The following BBS9 variants were observed in gnomAD, a reference collection of about 807,000 sequenced individuals.
The protein encoded by BBS9 is Bardet-Biedl syndrome 9.
A neutral mutation model predicts 117.7 loss-of-function variants in BBS9; 89 were observed. The ratio of observed to expected loss-of-function variants is 0.76; its 90% CI spans 0.64 to 0.90. The LOEUF is 0.90. Among genes scored for constraint, BBS9 ranks in the 40% least tolerant of loss-of-function variants. The pLI is 0.00. For synonymous variants in BBS9, 379 were observed against 370.9 expected (o/e 1.02, Z -0.25); for missense variants, 982 against 1,042.2 (o/e 0.94, Z 0.80).
At chr7:33,179,040 T>G (rs1249821650) in intron 5 of BBS9, among the ~76,000 whole-genome samples, 1 of 152,178 alleles carries the variant, frequency 6.6e-6, no homozygotes, top group Non-Finnish European at 1.5e-5. Context: ...GTGAAGTGCT[T>G]CCTCAGCTTT....
At chr7:33,166,846 G>T (rs772664411) in intron 4 of BBS9, among the ~76,000 whole-genome samples, 12 of 152,312 alleles carry the variant, frequency 7.9e-5, no homozygotes, top group Middle Eastern at 3.4e-3. Context: ...CCTGGGTGAG[G>T]TGATGCCCCA....
chr7:33,624,756 G>GGGGA (rs1441117023), intron 21 of BBS9, among the ~76,000 whole-genome samples: 2 of 152,130 alleles, frequency 1.3e-5, no homozygotes, highest in African/African-American at 4.8e-5. Flanking sequence ...TAACATTTTG[G>GGGGA]GGGAGTTAAA....
chr7:33,464,064 A>G (rs1259229400), intron 19 of BBS9, among the ~76,000 whole-genome samples: 3 of 152,112 alleles, frequency 2.0e-5, no homozygotes, highest in Admixed American at 6.6e-5. Flanking sequence ...TTAAAATCAT[A>G]CATCATTTAT....
rs950445090 is a variant in BBS9, at chr7:33,466,079, T to C, written c.2116-39384T>C. ...TTTGAGAGAGAGATATATATATATA[T>C]ACACACATTGTGAAATGGTTACCAC... On this transcript the variant is annotated intron_variant, in intron 19 of 22. Transcript: ENST00000242067. Among the ~76,000 whole-genome samples the C allele has an allele frequency of 1.2e-4, 18 of 152,202 alleles. No individual in the cohort carries two copies. In the East Asian group the frequency reaches 1.5e-3, roughly 13 times the overall value.
At chr7:33,527,167 C>A (rs1366511786) in intron 20 of BBS9, among the ~76,000 whole-genome samples, 1 of 152,108 alleles carries the variant, frequency 6.6e-6, no homozygotes, top group Non-Finnish European at 1.5e-5. Flanking sequence ...CAGACAGGGA[C>A]ATTTAAGTCT....
intron 19 of BBS9, among the ~76,000 whole-genome samples, chr7:33,416,537 G>A (rs899992013): frequency 1.3e-5 from 2 of 152,026 alleles, no homozygotes; most frequent in Non-Finnish European, 2.9e-5. Flanking sequence ...TCTATTGCAT[G>A]GAGACGATAG....
intron 9 of BBS9, among the ~76,000 whole-genome samples, chr7:33,307,310 T>A (rs1193331298): frequency 6.6e-6 from 1 of 152,186 alleles, no homozygotes; most frequent in African/African-American, 2.4e-5. Flanking sequence ...TAATTAGTAA[T>A]CATAAAGAAG....
intron 9 of BBS9, among the ~76,000 whole-genome samples, chr7:33,326,648 C>T (rs140875253): frequency 3.2e-4 from 48 of 152,142 alleles, no homozygotes; most frequent in African/African-American, 1.1e-3. Context: ...TACTGCCTGG[C>T]TACCACTGTT....
At chr7:33,346,449 G>A in intron 12 of BBS9, 1 of 194,726 alleles carries the variant, frequency 5.1e-6, no homozygotes, top group Non-Finnish European at 1.1e-5. Context: ...ATTTCCTAAG[G>A]GTTATATTTC....
chr7:33,597,112 C>T (rs577572237), intron 21 of BBS9, among the ~76,000 whole-genome samples: 6 of 139,854 alleles, frequency 4.3e-5, no homozygotes, highest in Non-Finnish European at 6.1e-5. Context: ...CACACACACA[C>T]AGTAAAATTT....
At chr7:33,543,487 T>G (rs1303684902) in intron 21 of BBS9, among the ~76,000 whole-genome samples, 2 of 152,220 alleles carry the variant, frequency 1.3e-5, no homozygotes, top group African/African-American at 4.8e-5. Context: ...TTTATATTTG[T>G]TTTTATTGCA....
intron 4 of BBS9, among the ~76,000 whole-genome samples, chr7:33,170,446 T>C (rs1437519299): frequency 2.0e-5 from 3 of 146,804 alleles, no homozygotes; most frequent in South Asian, 4.5e-4. Context: ...ATTGATGGGA[T>C]GTATTTCAAA....
At chr7:33,426,026 C>G (rs1833609336) in intron 19 of BBS9, among the ~76,000 whole-genome samples, 1 of 151,690 alleles carries the variant, frequency 6.6e-6, no homozygotes, top group Non-Finnish European at 1.5e-5. Context: ...TAAAATAAAC[C>G]AAGAAGTTTA....
chr7:33,166,424 G>T lies in BBS9; in HGVS notation c.328+10722G>T, dbSNP rs183121701. Among the ~76,000 whole-genome samples, 1,245 of 152,362 alleles carry T rather than the reference G, an allele frequency of 8.2e-3. 8 individuals carry two copies. Among genetic ancestry groups the T allele is most frequent in the Non-Finnish European group, 0.013 (851 of 68,028 alleles). ...GATAGGGAGGTTTAAGTCTGCAGAA[G>T]TTTCTGCTGCCTTTTGTTCAGCTAT... On this transcript the variant is annotated intron_variant, in intron 4 of 22. Transcript: ENST00000242067.
chr7:33,417,217 C>A (rs188137596), intron 19 of BBS9, among the ~76,000 whole-genome samples: 3 of 152,218 alleles, frequency 2.0e-5, no homozygotes, highest in African/African-American at 7.2e-5. Context: ...GAAATGTGTT[C>A]TGATTCAGTT....
chr7:33,525,261 G>A (rs1261837369), intron 20 of BBS9, among the ~76,000 whole-genome samples: 1 of 145,384 alleles, frequency 6.9e-6, no homozygotes, highest in East Asian at 2.1e-4. Context: ...ATGTCTATTA[G>A]GTCCGCTTGG....
chr7:33,517,552 C>G (rs887886742), intron 20 of BBS9, among the ~76,000 whole-genome samples: 1 of 152,228 alleles, frequency 6.6e-6, no homozygotes, highest in African/African-American at 2.4e-5. Context: ...GCACCCGTTG[C>G]CGCTCAACAG....
chr7:33,355,159 A>C lies in BBS9; in HGVS notation c.1552+2286A>C, dbSNP rs116373622. Among the ~76,000 whole-genome samples the C allele has an allele frequency of 7.1e-3, 1,075 of 152,036 alleles. 15 individuals are homozygous for C. Among genetic ancestry groups the C allele is most frequent in the African/African-American group, 0.025 (1,036 of 41,508 alleles). ...TGCTAGCAACTGTGAAAAGTCTTTA[A>C]ATACATGTAATTCTTTTCCTTCTCT... On this transcript the variant is annotated intron_variant, in intron 15 of 22. Coordinates refer to ENST00000242067, the MANE Select transcript of BBS9 (RefSeq NM_198428.3).
Position 33,326,653 on chromosome 7 carries a change from A to G in BBS9, c.1017-9788A>G, listed in dbSNP as rs554875065. ...CAATGACGAGTACTGCCTGGCTACC[A>G]CTGTTGACTATTCAGGGCCCAAGGG... On this transcript the variant is annotated intron_variant, in intron 9 of 22. Transcript: ENST00000242067. Among the ~76,000 whole-genome samples, 5 of 152,042 alleles carry G rather than the reference A, an allele frequency of 3.3e-5. No homozygotes were observed. In the South Asian group the frequency reaches 6.2e-4, roughly 19 times the overall value.
Sources: gnomAD v4.1 joint callset for allele counts (sites outside exome capture counted in the v4.1 genomes callset) on GRCh38, gnomAD v4.1.1 for gene constraint, MANE v1.5 for transcripts, NCBI Gene and HGNC (gene_info 2026-07-23, HGNC 2026-07-21) for gene names.